Variants in FSTL4 observed in about 807,000 individuals in gnomAD.
FSTL4 encodes follistatin-related protein 4.
FSTL4 carries 28 observed loss-of-function variants against 78.2 expected under a neutral mutation model. That is an observed-to-expected ratio of 0.36 (90% confidence interval 0.27 to 0.49). The LOEUF (loss-of-function observed/expected upper bound fraction) is 0.49, where lower values mean the gene tolerates loss of function less well. Among genes scored for constraint, FSTL4 ranks in the 20% least tolerant of loss-of-function variants. The probability of loss-of-function intolerance (pLI) is 0.98; values close to 1 mark genes in which losing one functional copy is unlikely to be tolerated. For missense variants in FSTL4, 922 were observed against 1,084.9 expected, an observed-to-expected ratio of 0.85 and a Z score of 2.11; for synonymous variants, 422 against 440.5, an observed-to-expected ratio of 0.96 and a Z score of 0.53.
chr5:133,773,013 T>C, the FSTL4 span, among the ~76,000 whole-genome samples: 1 of 151,672 alleles, frequency 6.6e-6, no homozygotes, highest in Non-Finnish European at 1.5e-5. Flanking sequence ...ATGTTAACTA[T>C]TATTATTATT....
chr5:133,489,715 C>A (rs904596425), intron 3 of FSTL4, among the ~76,000 whole-genome samples: 4 of 152,228 alleles, frequency 2.6e-5, no homozygotes, highest in African/African-American at 9.6e-5. Flanking sequence ...ATAGCCCCAG[C>A]TTCTCCACTC....
intron 3 of FSTL4, among the ~76,000 whole-genome samples, chr5:133,459,362 GTC>G (rs1292193759): frequency 6.6e-6 from 1 of 151,952 alleles, no homozygotes; most frequent in African/African-American, 2.4e-5. Flanking sequence ...CCCATGAAGA[GTC>G]TGCATGTGGA....
chr5:133,355,900 T>C (rs1424912065), intron 4 of FSTL4, among the ~76,000 whole-genome samples: 2 of 152,166 alleles, frequency 1.3e-5, no homozygotes, highest in East Asian at 1.9e-4. Context: ...CATGGGAAGA[T>C]GGATCGAGAA....
At chr5:133,332,222 C>T (rs1333781749) in intron 4 of FSTL4, among the ~76,000 whole-genome samples, 5 of 152,192 alleles carry the variant, frequency 3.3e-5, no homozygotes, top group African/African-American at 7.2e-5. Flanking sequence ...CCCTGAACAC[C>T]GGGAAAGGAG....
At chr5:133,832,458 C>G in the FSTL4 span, among the ~76,000 whole-genome samples, 1 of 152,182 alleles carries the variant, frequency 6.6e-6, no homozygotes, top group Admixed American at 6.5e-5. Context: ...GAGGGAGGAC[C>G]AGGTCTGTGT....
At chr5:133,443,562 T>C (rs938949560) in intron 3 of FSTL4, among the ~76,000 whole-genome samples, 3 of 152,226 alleles carry the variant, frequency 2.0e-5, no homozygotes, top group Admixed American at 1.3e-4. Flanking sequence ...TTAGATGATG[T>C]TCTCCAATCT....
At chr5:133,357,938 C>T (rs564514234) in intron 4 of FSTL4, among the ~76,000 whole-genome samples, 11 of 152,364 alleles carry the variant, frequency 7.2e-5, no homozygotes, top group Admixed American at 7.2e-4. Flanking sequence ...ACAGTCAGTG[C>T]TGGTGCCCAC....
intron 4 of FSTL4, among the ~76,000 whole-genome samples, chr5:133,322,277 CCACACA>C (rs1222286826): frequency 4.7e-5 from 2 of 42,566 alleles, no homozygotes; most frequent in African/African-American, 1.3e-4. Flanking sequence ...ACCCACACAC[CCACACA>C]CACACACACC....
At chr5:133,656,510 T>C in the FSTL4 span, among the ~76,000 whole-genome samples, 21,113 of 151,894 alleles carry the variant, frequency 0.14, 2,033 homozygotes, top group African/African-American at 0.29. Context: ...CATAGAAATG[T>C]TGAGACTCAG....
rs771062945 is a variant in FSTL4 at position 133,567,248 on chromosome 5, C to A, written c.127-29G>T. On this transcript the variant is annotated intron_variant, in intron 2 of 15. Transcript: ENST00000265342. ...CAAGAAAAGAAAGACTTTGTGTTTT[C>A]TGAAGAATAATTCATATGTACAGAT... 1.9e-6 allele frequency: 3 copies of A among 1,561,496 alleles called. No individual in the cohort carries two copies. The East Asian group carries it at 6.7e-5, about 35-fold the overall frequency.
At chr5:133,514,640 C>T (rs1758817366) in intron 3 of FSTL4, among the ~76,000 whole-genome samples, 1 of 152,164 alleles carries the variant, frequency 6.6e-6, no homozygotes. Flanking sequence ...AGATTAAAAG[C>T]ATTCATCATG....
the FSTL4 span, among the ~76,000 whole-genome samples, chr5:133,765,968 C>A: frequency 1.3e-5 from 2 of 152,166 alleles, no homozygotes; most frequent in African/African-American, 4.8e-5. Context: ...AGTTTCCCCA[C>A]CCAGATGATG....
the FSTL4 span, among the ~76,000 whole-genome samples, chr5:133,653,030 T>G: frequency 6.6e-6 from 1 of 152,168 alleles, no homozygotes; most frequent in Non-Finnish European, 1.5e-5. Flanking sequence ...GCTCATTCCT[T>G]GTGAGTGTCA....
At chr5:133,288,630 C>G (rs1003118868) in intron 6 of FSTL4, among the ~76,000 whole-genome samples, 1 of 152,248 alleles carries the variant, frequency 6.6e-6, no homozygotes, top group African/African-American at 2.4e-5. Context: ...TAAAGAGCCT[C>G]TGCCTGAGCC....
At chr5:133,376,467 A>G (rs1468394233) in intron 4 of FSTL4, among the ~76,000 whole-genome samples, 4 of 152,228 alleles carry the variant, frequency 2.6e-5, no homozygotes, top group Non-Finnish European at 5.9e-5. Flanking sequence ...CGCTTTTAGA[A>G]TTATGGCATA....
chr5:133,650,976 A>G, the FSTL4 span, among the ~76,000 whole-genome samples: 1 of 152,216 alleles, frequency 6.6e-6, no homozygotes, highest in Non-Finnish European at 1.5e-5. Flanking sequence ...TTTTATATGA[A>G]AAGCATTTTA....
chr5:133,517,177 C>T (rs1167581032), intron 3 of FSTL4, among the ~76,000 whole-genome samples: 1 of 151,584 alleles, frequency 6.6e-6, no homozygotes, highest in African/African-American at 2.4e-5. Context: ...AATCCCAGCA[C>T]TTTGGGAGGC....
the FSTL4 span, among the ~76,000 whole-genome samples, chr5:133,639,546 C>T: frequency 3.3e-5 from 5 of 152,200 alleles, no homozygotes; most frequent in African/African-American, 7.2e-5. Flanking sequence ...GCTTGCCTTG[C>T]TTCCAAAGCA....
chr5:133,679,099 C>T, the FSTL4 span, among the ~76,000 whole-genome samples: 6 of 152,082 alleles, frequency 3.9e-5, no homozygotes, highest in African/African-American at 1.4e-4. Context: ...TTCCCTATGC[C>T]CTCTCCCTCT....
Sources: gnomAD v4.1 joint callset for allele counts (sites outside exome capture counted in the v4.1 genomes callset) on GRCh38, gnomAD v4.1.1 for gene constraint, MANE v1.5 for transcripts, NCBI Gene and HGNC (gene_info 2026-07-23, HGNC 2026-07-21) for gene names.